Variants in TSHZ2 observed in about 807,000 individuals in gnomAD.
TSHZ2 encodes the protein teashirt zinc finger homeobox 2.
In TSHZ2, 21 loss-of-function variants were observed where a neutral mutation model predicts 74.4. The ratio of observed to expected loss-of-function variants is 0.28; its 90% CI spans 0.20 to 0.41. TSHZ2 has a LOEUF of 0.41. TSHZ2 is among the 10% of genes least tolerant of loss of function. TSHZ2 has a pLI of 1.00. For synonymous variants in TSHZ2, 540 were observed against 515.3 expected (o/e 1.05, Z -0.65); for missense variants, 1,244 against 1,293.5 (o/e 0.96, Z 0.59).
At chr20:53,199,351 G>A (rs982751199) in intron 1 of TSHZ2, among the ~76,000 whole-genome samples, 2 of 152,130 alleles carry the variant, frequency 1.3e-5, no homozygotes, top group African/African-American at 4.8e-5. Flanking sequence ...GCACACGCCT[G>A]TAATCCCAGC....
intron 2 of TSHZ2, among the ~76,000 whole-genome samples, chr20:53,443,047 C>A (rs1190698170): frequency 6.6e-6 from 1 of 152,184 alleles, no homozygotes; most frequent in Non-Finnish European, 1.5e-5. Flanking sequence ...TCCCAAGACA[C>A]AACCATTTGC....
intron 1 of TSHZ2, among the ~76,000 whole-genome samples, chr20:53,082,211 A>G (rs1985557936): frequency 1.3e-5 from 2 of 152,342 alleles, no homozygotes; most frequent in South Asian, 2.1e-4. Context: ...TGAATGGTCT[A>G]TGTATTTTTA....
chr20:52,984,808 C>T (rs1981693777), intron 1 of TSHZ2, among the ~76,000 whole-genome samples: 1 of 152,106 alleles, frequency 6.6e-6, no homozygotes, highest in Non-Finnish European at 1.5e-5. Context: ...GGCGGAAGAG[C>T]CATGACAGTG....
chr20:53,140,196 A>G (rs1987353153), intron 1 of TSHZ2, among the ~76,000 whole-genome samples: 1 of 152,116 alleles, frequency 6.6e-6, no homozygotes, highest in South Asian at 2.1e-4. Flanking sequence ...AATATGCAAT[A>G]TATATAATAT....
chr20:53,035,993 T>C (rs763765403), intron 1 of TSHZ2, among the ~76,000 whole-genome samples: 1 of 152,222 alleles, frequency 6.6e-6, no homozygotes, highest in African/African-American at 2.4e-5. Context: ...ATAAAATATG[T>C]TTATTGATCT....
chr20:53,068,522 A>G (rs943349901), intron 1 of TSHZ2, among the ~76,000 whole-genome samples: 6 of 151,908 alleles, frequency 3.9e-5, no homozygotes, highest in Non-Finnish European at 5.9e-5. Flanking sequence ...TTAAGCCCCC[A>G]CACCGAGTCT....
chr20:53,113,891 GC>G (rs1327950265), intron 1 of TSHZ2, among the ~76,000 whole-genome samples: 1 of 151,916 alleles, frequency 6.6e-6, no homozygotes, highest in Non-Finnish European at 1.5e-5. Context: ...TTTTCACTCA[GC>G]AGTGGCTCTT....
At chr20:53,020,083 G>A (rs1006019653) in intron 1 of TSHZ2, among the ~76,000 whole-genome samples, 2 of 152,056 alleles carry the variant, frequency 1.3e-5, no homozygotes, top group South Asian at 4.2e-4. Context: ...GTGAGAGCTC[G>A]TGAGAACCCC....
At chr20:53,128,653 G>C in intron 1 of TSHZ2, among the ~76,000 whole-genome samples, 1 of 151,592 alleles carries the variant, frequency 6.6e-6, no homozygotes, top group East Asian at 1.9e-4. Flanking sequence ...ATGGAGTCTC[G>C]CACTGACGCC....
At chr20:53,352,163 C>T (rs560230830) in intron 2 of TSHZ2, among the ~76,000 whole-genome samples, 7 of 151,428 alleles carry the variant, frequency 4.6e-5, no homozygotes, top group African/African-American at 1.7e-4. Context: ...AGCATCCCAC[C>T]ATGTGCAAAG....
chr20:53,070,466 C>T (rs772775170), intron 1 of TSHZ2, among the ~76,000 whole-genome samples: 13 of 152,130 alleles, frequency 8.5e-5, no homozygotes, highest in Non-Finnish European at 1.6e-4. Context: ...CAATCTCTTT[C>T]GGATAATAGG....
At chr20:53,191,401 G>A (rs909063881) in intron 1 of TSHZ2, among the ~76,000 whole-genome samples, 40 of 152,172 alleles carry the variant, frequency 2.6e-4, no homozygotes, top group African/African-American at 9.2e-4. Context: ...GGTGGCTCAC[G>A]CTTGTAATCT....
intron 2 of TSHZ2, among the ~76,000 whole-genome samples, chr20:53,448,274 A>G (rs550136733): frequency 6.6e-6 from 1 of 152,282 alleles, no homozygotes; most frequent in Non-Finnish European, 1.5e-5. Flanking sequence ...CAGAGAAGAA[A>G]TATAACTATG....
At chr20:53,012,788 T>G (rs1982901731) in intron 1 of TSHZ2, among the ~76,000 whole-genome samples, 1 of 152,200 alleles carries the variant, frequency 6.6e-6, no homozygotes, top group Non-Finnish European at 1.5e-5. Flanking sequence ...TGTCTCAGAC[T>G]GCCTTGGCCC....
At chr20:53,391,209 C>T (rs975202459) in intron 2 of TSHZ2, among the ~76,000 whole-genome samples, 2 of 152,116 alleles carry the variant, frequency 1.3e-5, no homozygotes, top group Admixed American at 6.6e-5. Flanking sequence ...TGCAGTGGCA[C>T]GATCTCGGCT....
intron 1 of TSHZ2, among the ~76,000 whole-genome samples, chr20:53,152,536 C>T (rs190808300): frequency 5.3e-4 from 81 of 152,282 alleles, no homozygotes; most frequent in Non-Finnish European, 8.7e-4. Flanking sequence ...AAACACAGAC[C>T]AGGGGTGGCC....
At chr20:53,358,334 T>C (rs1260610812) in intron 2 of TSHZ2, among the ~76,000 whole-genome samples, 67 of 141,534 alleles carry the variant, frequency 4.7e-4, no homozygotes, top group African/African-American at 1.6e-3. Flanking sequence ...TGGTTCTTTT[T>C]TTTTTTTTTT....
intron 1 of TSHZ2, among the ~76,000 whole-genome samples, chr20:53,093,988 GTTT>G (rs10548699): frequency 0.01 from 1,523 of 145,478 alleles, 22 homozygotes; most frequent in African/African-American, 0.033. Flanking sequence ...TTTTGACTTA[GTTT>G]TTTTTTTTTT....
intron 1 of TSHZ2, among the ~76,000 whole-genome samples, chr20:53,007,419 A>G (rs1407163958): frequency 6.6e-6 from 1 of 152,220 alleles, no homozygotes; most frequent in Non-Finnish European, 1.5e-5. Context: ...CTGGGCCATA[A>G]AGAGTTAACA....
Sources: gnomAD v4.1 joint callset for allele counts (sites outside exome capture counted in the v4.1 genomes callset) on GRCh38, gnomAD v4.1.1 for gene constraint, MANE v1.5 for transcripts, NCBI Gene and HGNC (gene_info 2026-07-23, HGNC 2026-07-21) for gene names.